IQCM: variants seen among roughly 807,000 people sequenced by gnomAD.
The protein encoded by IQCM is IQ motif containing M.
In IQCM, 45 loss-of-function variants were observed where a neutral mutation model predicts 57.6. The ratio of observed to expected loss-of-function variants is 0.78; its 90% confidence interval spans 0.62 to 1.00. The LOEUF (loss-of-function observed/expected upper bound fraction) is 1.00, where lower values mean the gene tolerates loss of function less well. Ranked by LOEUF, IQCM falls within the 50% of genes least tolerant of loss-of-function variation. The probability of loss-of-function intolerance (pLI) is 0.00; values close to 1 mark genes in which losing one functional copy is unlikely to be tolerated. For missense variants in IQCM, 468 were observed against 511.6 expected (o/e 0.91, Z 0.82); for synonymous variants, 148 against 158.9 (o/e 0.93, Z 0.51).
chr4:149,712,501 G>A (rs747327224), intron 5 of IQCM, among the ~76,000 whole-genome samples: 1 of 151,928 alleles, frequency 6.6e-6, no homozygotes, highest in Non-Finnish European at 1.5e-5. Flanking sequence ...TTACACTTAC[G>A]CTCATATATT....
chr4:149,757,583 TA>T (rs754303178), intron 2 of IQCM, among the ~76,000 whole-genome samples: 1 of 152,096 alleles, frequency 6.6e-6, no homozygotes, highest in Non-Finnish European at 1.5e-5. Context: ...TTAATAGGGA[TA>T]AATAGGTATG....
chr4:149,368,594 C>A (rs1578815399), intron 13 of IQCM, among the ~76,000 whole-genome samples: 1 of 150,818 alleles, frequency 6.6e-6, no homozygotes, highest in East Asian at 2.0e-4. Context: ...TAAGCAAGGA[C>A]ATGAGAGATG....
intron 12 of IQCM, among the ~76,000 whole-genome samples, chr4:149,438,575 CTT>C: frequency 6.6e-6 from 1 of 152,136 alleles, no homozygotes; most frequent in South Asian, 2.1e-4. Context: ...TGATGTCATA[CTT>C]TTTTGTCATG....
At chr4:149,666,538 G>A (rs1760741381) in intron 7 of IQCM, among the ~76,000 whole-genome samples, 1 of 152,084 alleles carries the variant, frequency 6.6e-6, no homozygotes, top group African/African-American at 2.4e-5. Flanking sequence ...AGGAGTTTTT[G>A]TTCATACCCC....
chr4:149,714,161 T>C (rs1355816961), intron 5 of IQCM, among the ~76,000 whole-genome samples: 1 of 152,222 alleles, frequency 6.6e-6, no homozygotes, highest in Non-Finnish European at 1.5e-5. Flanking sequence ...GTAAGCAGAA[T>C]CTAACACAGT....
chr4:149,396,787 G>A lies in IQCM; in HGVS notation c.1390+36609C>T, dbSNP rs529803419. ...TCTTGAATCTGACTACTTTACATAC[G>A]TAATGTAAGTGTAACCATGCAGTAT... On this transcript the variant is annotated intron_variant, in intron 13 of 13. Transcript: ENST00000636793. 5.3e-5 allele frequency among the ~76,000 whole-genome samples: 8 copies of A among 152,060 alleles called. No homozygotes were observed. In the East Asian group the frequency reaches 7.8e-4, roughly 15 times the overall value.
chr4:149,407,320 A>G (rs1733054829), intron 13 of IQCM, among the ~76,000 whole-genome samples: 1 of 152,128 alleles, frequency 6.6e-6, no homozygotes, highest in South Asian at 2.1e-4. Context: ...TTTGAAATTA[A>G]TTTTTAAACA....
chr4:149,742,618 A>C, intron 3 of IQCM, 37 bp downstream of exon 3: 4 of 1,191,554 alleles, frequency 3.4e-6, no homozygotes, highest in Non-Finnish European at 2.1e-6. Context: ...TTGGAGTGTT[A>C]TGACTTGTAC....
chr4:149,741,155 C>A (rs374297609), intron 3 of IQCM, among the ~76,000 whole-genome samples: 5 of 152,022 alleles, frequency 3.3e-5, no homozygotes, highest in African/African-American at 1.2e-4. Context: ...CATTTTTTTC[C>A]GTAATACATT....
intron 2 of IQCM, among the ~76,000 whole-genome samples, chr4:149,767,876 G>C (rs1447031777): frequency 6.6e-6 from 1 of 151,992 alleles, no homozygotes; most frequent in Non-Finnish European, 1.5e-5. Flanking sequence ...AGGAACTATA[G>C]ACACATTTTT....
intron 12 of IQCM, among the ~76,000 whole-genome samples, chr4:149,504,876 GC>G (rs1743626863): frequency 6.6e-6 from 1 of 152,102 alleles, no homozygotes; most frequent in Admixed American, 6.5e-5. Flanking sequence ...TCGTGTCAAA[GC>G]AAGACTCTGT....
intron 2 of IQCM, among the ~76,000 whole-genome samples, chr4:149,806,565 G>A (rs1375647303): frequency 6.6e-6 from 1 of 151,958 alleles, no homozygotes; most frequent in Non-Finnish European, 1.5e-5. Flanking sequence ...CTACATATGA[G>A]TAGGAACAGG....
intron 2 of IQCM, among the ~76,000 whole-genome samples, chr4:149,750,048 A>G (rs941870700): frequency 6.6e-6 from 1 of 152,192 alleles, no homozygotes; most frequent in Non-Finnish European, 1.5e-5. Context: ...AGTTCCTAAT[A>G]TTTATTTGGA....
intron 7 of IQCM, among the ~76,000 whole-genome samples, chr4:149,627,391 G>A (rs1302114698): frequency 1.3e-5 from 2 of 151,974 alleles, no homozygotes; most frequent in Non-Finnish European, 2.9e-5. Flanking sequence ...ATTTGTAATC[G>A]CTCACTGCAT....
intron 13 of IQCM, among the ~76,000 whole-genome samples, chr4:149,421,622 C>T (rs557086541): frequency 2.0e-5 from 3 of 152,042 alleles, no homozygotes; most frequent in South Asian, 4.1e-4. Context: ...GGAGCCTCTA[C>T]ATTTTTTTTT....
At chr4:149,804,745 G>A (rs1454584847) in intron 2 of IQCM, among the ~76,000 whole-genome samples, 2 of 152,106 alleles carry the variant, frequency 1.3e-5, no homozygotes, top group East Asian at 3.9e-4. Flanking sequence ...CTTCTATCGT[G>A]GTCTTTTCTA....
At chr4:149,599,495 T>C (rs1487139576) in intron 8 of IQCM, among the ~76,000 whole-genome samples, 3 of 152,084 alleles carry the variant, frequency 2.0e-5, no homozygotes, top group East Asian at 3.9e-4. Context: ...AGACAAACAA[T>C]GTTCTACCCC....
chr4:149,647,881 G>A (rs1382606512), intron 7 of IQCM, among the ~76,000 whole-genome samples: 2 of 152,010 alleles, frequency 1.3e-5, no homozygotes, highest in African/African-American at 2.4e-5. Flanking sequence ...TCTGATTATA[G>A]GAATGTAAGA....
At chr4:149,598,801 A>G (rs1472122735) in intron 8 of IQCM, among the ~76,000 whole-genome samples, 1 of 152,218 alleles carries the variant, frequency 6.6e-6, no homozygotes, top group Non-Finnish European at 1.5e-5. Context: ...TGGAAGTGGA[A>G]AGCTGTTTGC....
Sources: allele counts gnomAD v4.1 joint callset (sites outside exome capture counted in the v4.1 genomes callset), GRCh38; gene constraint gnomAD v4.1.1; transcripts MANE v1.5; gene names NCBI Gene and HGNC (gene_info 2026-07-23, HGNC 2026-07-21).